The following SDK1 variants were observed in gnomAD, a reference collection of about 807,000 sequenced individuals.
SDK1 encodes the protein sidekick cell adhesion molecule 1, also known as protein sidekick-1.
A neutral mutation model predicts 245.5 loss-of-function variants in SDK1; 157 were observed. That is an observed-to-expected ratio of 0.64 (90% CI 0.56 to 0.73). The LOEUF is 0.73. Ranked by LOEUF, SDK1 falls within the 30% of genes least tolerant of loss-of-function variation. The pLI is 0.00. For synonymous variants in SDK1, 1,647 were observed against 1,278.5 expected (o/e 1.29, Z -6.15); for missense variants, 3,583 against 3,002.3 (o/e 1.19, Z -4.52).
chr7:3,951,679 G>T, intron 6 of SDK1, 51 bp from the exon 7 acceptor site: 1 of 1,550,492 alleles, frequency 6.4e-7, no homozygotes, highest in Non-Finnish European at 8.8e-7. Flanking sequence ...GATGACCGTT[G>T]CCACCTCCCT....
chr7:3,973,981 A>C (rs1782686585), intron 12 of SDK1, among the ~76,000 whole-genome samples: 1 of 152,048 alleles, frequency 6.6e-6, no homozygotes, highest in Admixed American at 6.6e-5. Context: ...TAGGAGTTTG[A>C]GACTAGCCTG....
intron 4 of SDK1, among the ~76,000 whole-genome samples, chr7:3,746,989 A>C (rs929250045): frequency 2.0e-5 from 3 of 152,254 alleles, no homozygotes; most frequent in Non-Finnish European, 4.4e-5. Flanking sequence ...ATAGACTTAC[A>C]AAATGCATTT....
At chr7:3,609,048 C>G (rs1488034640) in intron 1 of SDK1, among the ~76,000 whole-genome samples, 2 of 152,062 alleles carry the variant, frequency 1.3e-5, no homozygotes, top group African/African-American at 4.8e-5. Flanking sequence ...TTAAACAGTG[C>G]CACTCTTAAG....
chr7:3,428,989 A>G (rs1158941147), intron 1 of SDK1, among the ~76,000 whole-genome samples: 1 of 152,200 alleles, frequency 6.6e-6, no homozygotes, highest in African/African-American at 2.4e-5. Context: ...GGATTCAGAA[A>G]TAAGTTCAGT....
intron 25 of SDK1, among the ~76,000 whole-genome samples, chr7:4,123,328 A>T (rs567098136): frequency 1.3e-5 from 2 of 148,320 alleles, no homozygotes; most frequent in Non-Finnish European, 3.0e-5. Flanking sequence ...GTAGGTTTAC[A>T]TTTTTTTTTT....
chr7:3,625,555 C>T (rs1266368602), intron 2 of SDK1, among the ~76,000 whole-genome samples: 1 of 152,176 alleles, frequency 6.6e-6, no homozygotes, highest in African/African-American at 2.4e-5. Context: ...GATCCCTTAT[C>T]AAGTTGGCAG....
Position 3,301,372 on chromosome 7 carries a change from C to T in SDK1, c.-215C>T, listed in dbSNP as rs1167734861. On this transcript the variant is annotated 5_prime_UTR_variant, in exon 1 of 45. Transcript: ENST00000404826. ...CGTGAGCGCCGGACGCGAATTTCCC[C>T]CGTTGACAACTTCTTCTCGCCCGGC... 1 of 148,082 alleles carries T rather than the reference C, an allele frequency of 6.8e-6. No homozygotes were observed. The highest frequency in any genetic ancestry group is 1.5e-5 in the Non-Finnish European group (1 of 66,470). The allele number at this position is 148,082 out of a possible 1,614,324, so 9.2% of individuals were successfully genotyped here.
chr7:3,457,992 T>A (rs1489744124), intron 1 of SDK1, among the ~76,000 whole-genome samples: 1 of 152,244 alleles, frequency 6.6e-6, no homozygotes, highest in East Asian at 1.9e-4. Context: ...AAAACCATTT[T>A]CCTTGAGAAT....
chr7:3,503,933 CG>C, intron 1 of SDK1, among the ~76,000 whole-genome samples: 1 of 151,940 alleles, frequency 6.6e-6, no homozygotes, highest in Non-Finnish European at 1.5e-5. Flanking sequence ...GGGCGGATCA[CG>C]AGGTCAGGAG....
intron 4 of SDK1, among the ~76,000 whole-genome samples, chr7:3,652,647 C>T (rs796763243): frequency 2.0e-5 from 3 of 152,216 alleles, no homozygotes; most frequent in African/African-American, 4.8e-5. Context: ...CAGTCAGAAG[C>T]GAACTAGGGA....
At chr7:3,637,796 G>A (rs1020511731) in intron 2 of SDK1, among the ~76,000 whole-genome samples, 4 of 152,230 alleles carry the variant, frequency 2.6e-5, no homozygotes, top group African/African-American at 9.6e-5. Context: ...TAACATCAGG[G>A]AATACGTGGA....
At chr7:3,737,744 A>T (rs1017667696) in intron 4 of SDK1, among the ~76,000 whole-genome samples, 1 of 152,188 alleles carries the variant, frequency 6.6e-6, no homozygotes, top group African/African-American at 2.4e-5. Context: ...GACAAGACAG[A>T]AGGAGGCATC....
At chr7:3,318,230 G>C (rs914786750) in intron 1 of SDK1, among the ~76,000 whole-genome samples, 1 of 152,146 alleles carries the variant, frequency 6.6e-6, no homozygotes, top group Non-Finnish European at 1.5e-5. Flanking sequence ...TGCACACACA[G>C]AAAATAAGCT....
At chr7:4,218,365 C>T (rs565743587) in intron 38 of SDK1, among the ~76,000 whole-genome samples, 2 of 152,094 alleles carry the variant, frequency 1.3e-5, no homozygotes, top group East Asian at 1.9e-4. Context: ...TGCACTCCAG[C>T]CTGGATGACA....
At chr7:3,471,906 G>A (rs1480712822) in intron 1 of SDK1, among the ~76,000 whole-genome samples, 1 of 152,118 alleles carries the variant, frequency 6.6e-6, no homozygotes, top group Non-Finnish European at 1.5e-5. Context: ...TTGATTTTGA[G>A]GAAAGGTTTA....
chr7:3,526,924 C>T (rs999390766), intron 1 of SDK1, among the ~76,000 whole-genome samples: 3 of 152,218 alleles, frequency 2.0e-5, no homozygotes, highest in African/African-American at 4.8e-5. Context: ...GAGACACTCT[C>T]TGCTTACCTT....
chr7:4,074,907 TA>T (rs1780548959), intron 20 of SDK1, among the ~76,000 whole-genome samples: 16 of 88,694 alleles, frequency 1.8e-4, no homozygotes, highest in Admixed American at 3.3e-4. Context: ...TATATATATA[TA>T]TATATATATT....
At chr7:4,264,517 C>CCTGAGTGAGGGAGGCCGCGTGGACCTCTG (rs1788318047) in intron 44 of SDK1, among the ~76,000 whole-genome samples, 1 of 132,230 alleles carries the variant, frequency 7.6e-6, no homozygotes, top group Non-Finnish European at 1.6e-5. Context: ...GTGGACCTCT[C>CCTGAGTGAGGGAGGCCGCGTGGACCTCTG]CTGAGTGAGG....
intron 4 of SDK1, among the ~76,000 whole-genome samples, chr7:3,728,640 C>T (rs751578504): frequency 1.3e-5 from 2 of 152,218 alleles, no homozygotes; most frequent in Non-Finnish European, 2.9e-5. Context: ...GAGTCTCACT[C>T]TGTCGGCCTG....
Sources: gnomAD v4.1 joint callset for allele counts (sites outside exome capture counted in the v4.1 genomes callset) on GRCh38, gnomAD v4.1.1 for gene constraint, MANE v1.5 for transcripts, NCBI Gene and HGNC (gene_info 2026-07-23, HGNC 2026-07-21) for gene names.